The following ITSN1 variants were observed in gnomAD, a reference collection of about 807,000 sequenced individuals.
ITSN1 encodes intersectin 1.
A neutral mutation model predicts 239.8 loss-of-function variants in ITSN1; 58 were observed. The observed-to-expected ratio is 0.24, with a 90% CI of 0.20 to 0.30. ITSN1 has a LOEUF of 0.30. Ranked by LOEUF, ITSN1 falls within the 10% of genes least tolerant of loss-of-function variation. ITSN1 has a pLI of 1.00. For synonymous variants in ITSN1, 780 were observed against 770.8 expected (o/e 1.01, Z -0.20); for missense variants, 1,558 against 2,103.3 (o/e 0.74, Z 5.07).
At position 33,889,427 on chromosome 21, in the gene ITSN1, T is replaced by C. The variant is rs532600513; in HGVS notation, c.*1127T>C. The stretch of plus-strand genomic sequence containing the variant: ...ATCCCGGGGCAAAGACCTAAGACAC[T>C]TTTCCACCCTCCACCACCCCAACCT... On this transcript the variant is annotated 3_prime_UTR_variant, in exon 40 of 40. Coordinates refer to ENST00000381318, the MANE Select transcript of ITSN1 (RefSeq NM_003024.3). 38 of 152,274 alleles carry C rather than the reference T, an allele frequency of 2.5e-4. No individual in the cohort carries two copies. Among genetic ancestry groups the C allele is most frequent in the African/African-American group, 8.9e-4 (37 of 41,540 alleles). 9.4% of individuals were successfully genotyped at this position (152,274 alleles called of 1,614,324 possible).
intron 20 of ITSN1, 155 bp from the exon 21 acceptor site, chr21:33,810,820 A>G: frequency 1.1e-6 from 1 of 886,422 alleles, no homozygotes; most frequent in Non-Finnish European, 1.9e-6. Context: ...ATTACTGCTT[A>G]GACTCTTTTC....
At chr21:33,672,988 CG>C (rs1018865962) in intron 1 of ITSN1, among the ~76,000 whole-genome samples, 4 of 152,070 alleles carry the variant, frequency 2.6e-5, no homozygotes, top group African/African-American at 9.7e-5. Context: ...GGATTACGGG[CG>C]GGAGGCACCA....
intron 1 of ITSN1, among the ~76,000 whole-genome samples, chr21:33,678,428 A>G (rs540995822): frequency 3.3e-5 from 5 of 152,296 alleles, no homozygotes; most frequent in Non-Finnish European, 4.4e-5. Flanking sequence ...AAGCTCCCAG[A>G]GGACACTCTG....
chr21:33,724,100 T>TGTGC (rs2065672867), intron 4 of ITSN1, among the ~76,000 whole-genome samples: 1 of 151,074 alleles, frequency 6.6e-6, no homozygotes, highest in Admixed American at 6.6e-5. Context: ...TGTGTGTTTG[T>TGTGC]GTGTGTGTGT....
chr21:33,658,372 A>C (rs546615895), intron 1 of ITSN1, among the ~76,000 whole-genome samples: 100 of 152,298 alleles, frequency 6.6e-4, no homozygotes, highest in African/African-American at 2.4e-3. Flanking sequence ...CTACTTATAC[A>C]AACCGAGGTG....
intron 5 of ITSN1, among the ~76,000 whole-genome samples, chr21:33,746,669 C>T (rs763925077): frequency 3.3e-5 from 5 of 152,076 alleles, no homozygotes; most frequent in South Asian, 2.1e-4. Context: ...GATGAAACCC[C>T]GTCTCTGCTG....
intron 1 of ITSN1, among the ~76,000 whole-genome samples, chr21:33,679,698 C>CTTTTTTTTTTT (rs34301203): frequency 4.6e-5 from 4 of 86,318 alleles, no homozygotes; most frequent in Non-Finnish European, 6.2e-5. Flanking sequence ...GATCCTTATC[C>CTTTTTTTTTTT]TTTTTTTTTT....
chr21:33,870,084 A>C (rs1982449165), intron 33 of ITSN1, among the ~76,000 whole-genome samples: 1 of 152,070 alleles, frequency 6.6e-6, no homozygotes, highest in South Asian at 2.1e-4. Flanking sequence ...CTTACATGTG[A>C]CAAATCTCCC....
chr21:33,785,124 G>T (rs777095666), intron 16 of ITSN1, among the ~76,000 whole-genome samples: 1 of 152,184 alleles, frequency 6.6e-6, no homozygotes, highest in Admixed American at 6.5e-5. Context: ...AGGAAATGCA[G>T]TTCCCTCATT....
intron 26 of ITSN1, among the ~76,000 whole-genome samples, chr21:33,827,348 C>T (rs906948276): frequency 2.6e-5 from 4 of 151,928 alleles, no homozygotes; most frequent in Admixed American, 6.6e-5. Flanking sequence ...GGCAGTGAGC[C>T]GAGGTTGCTC....
chr21:33,823,434 G>A (rs979688371), intron 24 of ITSN1, 53 bp from the exon 25 acceptor site: 71 of 1,525,182 alleles, frequency 4.7e-5, no homozygotes, highest in Non-Finnish European at 6.3e-5. Context: ...AGCTGTCTGG[G>A]ATTTCTTTAA....
chr21:33,717,556 C>G (rs982250389), intron 1 of ITSN1, among the ~76,000 whole-genome samples: 2 of 152,004 alleles, frequency 1.3e-5, no homozygotes, highest in African/African-American at 4.8e-5. Flanking sequence ...AAAATATTCA[C>G]TAAATCTGGA....
chr21:33,829,724 A>T lies in ITSN1; in HGVS notation c.3330A>T (p.Gly1110=), dbSNP rs1477679911. ...LILIRKKNPG[G]WWEGELQARG... ...TGATCCGAAAAAAGAACCCAGGTGG[A>T]TGGTGGGAAGGAGAGCTGCAAGTCA... Residue 1110 remains glycine (G), a synonymous_variant, in exon 27 of 40, where the codon GGA becomes GGT. Coordinates refer to ENST00000381318, the MANE Select transcript of ITSN1 (RefSeq NM_003024.3). The T allele has an allele frequency of 1.9e-5, 30 of 1,613,614 alleles. No homozygotes were observed. Among genetic ancestry groups the T allele is most frequent in the Non-Finnish European group, 2.2e-5 (26 of 1,179,974 alleles).
chr21:33,880,202 A>G lies in ITSN1; in HGVS notation c.4342-2041A>G, dbSNP rs544926785. Among the ~76,000 whole-genome samples, 22 of 152,314 alleles carry G rather than the reference A, an allele frequency of 1.4e-4. 1 individual carries two copies. In the East Asian group the frequency reaches 4.2e-3, roughly 29 times the overall value. ...GACACACACCAGTGATTAAGTTTCA[A>G]ACAGATGCTGTTTTTGGCATTCCTG... On this transcript the variant is annotated intron_variant, in intron 34 of 39. Coordinates refer to ENST00000381318, the MANE Select transcript of ITSN1 (RefSeq NM_003024.3).
At chr21:33,887,516 A>C (rs1327756273) in intron 39 of ITSN1, among the ~76,000 whole-genome samples, 2 of 152,044 alleles carry the variant, frequency 1.3e-5, no homozygotes, top group Non-Finnish European at 2.9e-5. Flanking sequence ...TAAATGTTTG[A>C]GTGTGACTGG....
chr21:33,664,932 A>G (rs375413566), intron 1 of ITSN1, among the ~76,000 whole-genome samples: 15 of 149,040 alleles, frequency 1.0e-4, no homozygotes, highest in African/African-American at 3.5e-4. Context: ...AAGATGCATG[A>G]TAGGCTTAAA....
At chr21:33,702,969 C>T (rs528495769) in intron 1 of ITSN1, among the ~76,000 whole-genome samples, 36 of 151,862 alleles carry the variant, frequency 2.4e-4, no homozygotes, top group African/African-American at 8.0e-4. Context: ...TCCAGCTACT[C>T]GGGAGGCTGA....
chr21:33,774,413 TAAG>T (rs144103550), intron 12 of ITSN1: 111 of 195,474 alleles, frequency 5.7e-4, no homozygotes, highest in African/African-American at 2.5e-3. Context: ...TGTCAGTAAA[TAAG>T]AAGGAGCATT....
chr21:33,785,880 C>G (rs1474401756), intron 16 of ITSN1, among the ~76,000 whole-genome samples: 1 of 152,088 alleles, frequency 6.6e-6, no homozygotes. Context: ...AAAAAAGATC[C>G]TAAGATGTAA....
Sources: gnomAD v4.1 joint callset for allele counts (sites outside exome capture counted in the v4.1 genomes callset) on GRCh38, gnomAD v4.1.1 for gene constraint, MANE v1.5 for transcripts, NCBI Gene and HGNC (gene_info 2026-07-23, HGNC 2026-07-21) for gene names.